The following MYO16 variants were observed in gnomAD, a reference collection of about 807,000 sequenced individuals.
MYO16 encodes unconventional myosin-XVI.
In MYO16, 94 loss-of-function variants were observed where a neutral mutation model predicts 205.3. The observed-to-expected ratio is 0.46, with a 90% CI of 0.39 to 0.54. The LOEUF (loss-of-function observed/expected upper bound fraction) is 0.54, where lower values mean the gene tolerates loss of function less well. Ranked by LOEUF, MYO16 falls within the 20% of genes least tolerant of loss-of-function variation. The pLI is 0.00. For synonymous variants in MYO16, 988 were observed against 954.0 expected (o/e 1.04, Z -0.66); for missense variants, 2,315 against 2,387.5 (o/e 0.97, Z 0.63).
intron 32 of MYO16, among the ~76,000 whole-genome samples, chr13:109,160,814 T>C (rs933560140): frequency 1.3e-5 from 2 of 152,236 alleles, no homozygotes; most frequent in African/African-American, 4.8e-5. Context: ...CCTGAAAGCA[T>C]GCATCATGTA....
chr13:108,698,343 G>T lies in MYO16; in HGVS notation c.293-14318G>T, dbSNP rs73606744. ...GTACAGTGGTTATTAGAGAATAAAT[G>T]AGATAAATAAAACTTGAGATGTGAT... On this transcript the variant is annotated intron_variant, in intron 2 of 34. Coordinates refer to ENST00000457511, the MANE Select transcript of MYO16 (RefSeq NM_001198950.3). Among the ~76,000 whole-genome samples the T allele has an allele frequency of 8.6e-3, 1,310 of 152,238 alleles. 18 individuals are homozygous for T. Among genetic ancestry groups the T allele is most frequent in the African/African-American group, 0.026 (1,078 of 41,488 alleles).
intron 10 of MYO16, chr13:108,855,163 A>G (rs1024867874): frequency 2.1e-5 from 6 of 287,498 alleles, no homozygotes; most frequent in Middle Eastern, 1.0e-3. Flanking sequence ...CAACATGCTG[A>G]ACTCATCTTG....
At chr13:108,849,619 TTGTGTGTGTGTGTG>T (rs60404877) in intron 10 of MYO16, among the ~76,000 whole-genome samples, 6,603 of 83,782 alleles carry the variant, frequency 0.079, 317 homozygotes, top group Non-Finnish European at 0.09. Flanking sequence ...ATTTCCTCTT[TTGTGTGTGTGTGTG>T]TGTGTGTGTG....
At chr13:109,170,399 A>G (rs1288519021) in intron 33 of MYO16, among the ~76,000 whole-genome samples, 1 of 152,158 alleles carries the variant, frequency 6.6e-6, no homozygotes, top group African/African-American at 2.4e-5. Flanking sequence ...CGGAGAACGG[A>G]CTGCCACAAA....
intron 32 of MYO16, among the ~76,000 whole-genome samples, chr13:109,157,338 T>C (rs553925868): frequency 6.7e-6 from 1 of 148,444 alleles, no homozygotes; most frequent in Non-Finnish European, 1.5e-5. Context: ...GCTCATAGAC[T>C]CCAAAGCTCT....
chr13:109,070,411 A>G (rs1472473747), intron 27 of MYO16, among the ~76,000 whole-genome samples: 1 of 152,206 alleles, frequency 6.6e-6, no homozygotes, highest in Admixed American at 6.5e-5. Flanking sequence ...AGTTTTCTGT[A>G]TAGTTTTATA....
intron 25 of MYO16, among the ~76,000 whole-genome samples, chr13:109,053,118 G>T (rs1385418204): frequency 2.0e-5 from 3 of 152,074 alleles, no homozygotes; most frequent in South Asian, 4.1e-4. Context: ...GTGCCAGATG[G>T]TATTCCAGAG....
At chr13:108,689,194 G>T (rs12429659) in intron 2 of MYO16, among the ~76,000 whole-genome samples, 2 of 151,888 alleles carry the variant, frequency 1.3e-5, no homozygotes, top group African/African-American at 4.8e-5. Flanking sequence ...TTTTATTTTC[G>T]TAGTTCAAAT....
intron 16 of MYO16, among the ~76,000 whole-genome samples, chr13:108,951,977 G>A (rs1883170078): frequency 6.6e-6 from 1 of 151,934 alleles, no homozygotes; most frequent in African/African-American, 2.4e-5. Flanking sequence ...GTGGTGGTGG[G>A]CGCCTGTAGT....
chr13:108,580,146 G>T, the MYO16 span, among the ~76,000 whole-genome samples: 1 of 152,102 alleles, frequency 6.6e-6, no homozygotes. Context: ...TAATGTCATG[G>T]TTTGCACATA....
rs77836062 is a variant in MYO16, at chr13:108,930,618, A to C, written c.1925+20468A>C. 4.5e-3 allele frequency among the ~76,000 whole-genome samples: 680 copies of C among 152,276 alleles called. 7 individuals are homozygous for C. The highest frequency in any genetic ancestry group is 0.016 in the African/African-American group (650 of 41,556). On this transcript the variant is annotated intron_variant, in intron 16 of 34. Coordinates refer to ENST00000457511, the MANE Select transcript of MYO16 (RefSeq NM_001198950.3). ...AAGTAAAAGGAGTATTTCACACACAAAAAAATTATGCTAAGTTCCCAAGGA... is the reference window on the plus strand; with the variant it reads ...AAGTAAAAGGAGTATTTCACACACACAAAAATTATGCTAAGTTCCCAAGGA...
At chr13:108,797,403 G>A (rs1886827786) in intron 6 of MYO16, among the ~76,000 whole-genome samples, 1 of 152,210 alleles carries the variant, frequency 6.6e-6, no homozygotes, top group Non-Finnish European at 1.5e-5. Flanking sequence ...AGAAATTTGG[G>A]ACCAAGCCAT....
intron 1 of MYO16, among the ~76,000 whole-genome samples, chr13:108,663,244 C>T (rs1881582160): frequency 6.6e-6 from 1 of 152,138 alleles, no homozygotes. Flanking sequence ...TCCGCAGCTG[C>T]AATCCAGTCC....
In MYO16 at chr13:108,753,726, A is replaced by C. The variant is rs114088620; in HGVS notation, c.507+26143A>C. Among the ~76,000 whole-genome samples the C allele has an allele frequency of 9.0e-3, 1,372 of 152,286 alleles. 14 individuals carry two copies. Among genetic ancestry groups the C allele is most frequent in the African/African-American group, 0.031 (1,285 of 41,560 alleles). ...CTCTTAAGGTGCATTTCTAAAAATAAATTCTTTCTGGGCCATCAGAATGAA... is the reference window on the plus strand; with the variant it reads ...CTCTTAAGGTGCATTTCTAAAAATACATTCTTTCTGGGCCATCAGAATGAA... On this transcript the variant is annotated intron_variant, in intron 4 of 34. Transcript: ENST00000457511.
chr13:108,634,281 G>C (rs940731348), intron 1 of MYO16, among the ~76,000 whole-genome samples: 2 of 152,048 alleles, frequency 1.3e-5, no homozygotes, highest in Non-Finnish European at 2.9e-5. Context: ...GAGTGTCTGC[G>C]CATGTATTCC....
intron 4 of MYO16, among the ~76,000 whole-genome samples, chr13:108,750,762 A>C (rs1257983806): frequency 2.0e-5 from 3 of 152,084 alleles, no homozygotes; most frequent in Non-Finnish European, 4.4e-5. Flanking sequence ...AGCTGAGATC[A>C]TGCCACTGCA....
chr13:108,917,906 C>A (rs1881569062), intron 16 of MYO16, among the ~76,000 whole-genome samples: 1 of 152,204 alleles, frequency 6.6e-6, no homozygotes, highest in Non-Finnish European at 1.5e-5. Flanking sequence ...CATAGATTTT[C>A]TCTTTGTCTA....
chr13:109,142,795 G>A (rs555252368), intron 32 of MYO16, among the ~76,000 whole-genome samples: 49 of 152,208 alleles, frequency 3.2e-4, no homozygotes, highest in African/African-American at 1.1e-3. Flanking sequence ...CCTCTAGGGG[G>A]TATTTGGACC....
At chr13:109,194,277 C>T (rs570821280) in intron 34 of MYO16, among the ~76,000 whole-genome samples, 16 of 152,184 alleles carry the variant, frequency 1.1e-4, no homozygotes, top group South Asian at 2.1e-4. Context: ...TTGATTGACA[C>T]GGAAAACTTT....
Sources: gnomAD v4.1 joint callset for allele counts (sites outside exome capture counted in the v4.1 genomes callset) on GRCh38, gnomAD v4.1.1 for gene constraint, MANE v1.5 for transcripts, NCBI Gene and HGNC (gene_info 2026-07-23, HGNC 2026-07-21) for gene names.